The following MCC variants were observed in gnomAD, a reference collection of about 807,000 sequenced individuals.
The protein encoded by MCC is MCC regulator of Wnt signaling pathway, also known as colorectal mutant cancer protein.
MCC carries 90 observed loss-of-function variants against 116.2 expected under a neutral mutation model. The observed-to-expected ratio is 0.77, with a 90% CI of 0.65 to 0.92. The LOEUF is 0.92. Among genes scored for constraint, MCC ranks in the 40% least tolerant of loss-of-function variants. MCC has a pLI of 0.00. For synonymous variants in MCC, 578 were observed against 510.5 expected (o/e 1.13, Z -1.78); for missense variants, 1,516 against 1,312.2 (o/e 1.16, Z -2.40).
At position 113,064,125 on chromosome 5, in the gene MCC, C is replaced by A. The variant is rs149204864; in HGVS notation, c.2072G>T (p.Arg691Leu). ...AGCTGTCTTCCGGCAGTCATGAGCT[C>A]GCTTGAGCATCTGAGTGATGTTTTC... ...GDENITQMLK[R>L]AHDCRKTAEN... The change falls in exon 14 of 19, where the codon CGA becomes CTA. Residue 691 changes from arginine (R) to leucine (L), a missense_variant. Arg to Leu is a moderately radical substitution (Grantham distance 102). Coordinates refer to ENST00000408903, the MANE Select transcript of MCC (RefSeq NM_001085377.2). 509 of 1,613,726 alleles carry A rather than the reference C, an allele frequency of 3.2e-4. No individual in the cohort carries two copies. Among genetic ancestry groups the A allele is most frequent in the Non-Finnish European group, 4.2e-4 (499 of 1,179,870 alleles).
rs200797844 is a variant in MCC, at chr5:113,049,094, T to A, written c.2654A>T (p.Lys885Met). The A allele has an allele frequency of 1.3e-4, 202 of 1,614,168 alleles. 2 individuals carry two copies. Among genetic ancestry groups the A allele is most frequent in the Non-Finnish European group, 1.2e-5 (14 of 1,180,026 alleles). ...GTCCCCAAGCCACTCCGGCCCTACC[T>A]TGCCAGGTTTGTCTTTGCTGCCGCT... Reference protein sequence around the residue: ...TSSGSKDKPGKECADAASPAL... With the variant: ...TSSGSKDKPGMECADAASPAL... The change falls in exon 16 of 19, where the codon AAG becomes ATG. Residue 885 changes from lysine (K) to methionine (M), a missense_variant and splice_region_variant. Coordinates refer to ENST00000408903, the MANE Select transcript of MCC (RefSeq NM_001085377.2).
intron 3 of MCC, among the ~76,000 whole-genome samples, chr5:113,327,556 A>AT (rs1318674382): frequency 1.9e-4 from 20 of 106,170 alleles, no homozygotes; most frequent in African/African-American, 7.1e-4. Context: ...AAAAAAAAAA[A>AT]AAAAAATATA....
chr5:113,429,332 G>T (rs1197403512), intron 1 of MCC, among the ~76,000 whole-genome samples: 1 of 152,140 alleles, frequency 6.6e-6, no homozygotes, highest in African/African-American at 2.4e-5. Context: ...CAGGGAGAAG[G>T]TGGGTGTCTG....
Position 113,142,351 on chromosome 5 carries a change from C to T in MCC, c.884+867G>A, listed in dbSNP as rs149793508. 2.0e-3 allele frequency among the ~76,000 whole-genome samples: 309 copies of T among 151,980 alleles called. 7 individuals carry two copies. The highest frequency in any genetic ancestry group is 3.1e-3 in the Non-Finnish European group (212 of 67,848). On this transcript the variant is annotated intron_variant, in intron 5 of 18. Coordinates refer to ENST00000408903, the MANE Select transcript of MCC (RefSeq NM_001085377.2). The stretch of plus-strand genomic sequence containing the variant: ...TGCTGTCCTCAGGCTGTTCCCGGAG[C>T]ATCGCCAGGAACATGAAAATGCTCT...
chr5:113,479,028 G>A (rs141761120), intron 1 of MCC, among the ~76,000 whole-genome samples: 122 of 152,254 alleles, frequency 8.0e-4, no homozygotes, highest in African/African-American at 2.6e-3. Flanking sequence ...GTATGTGAAT[G>A]TTCATAATGC....
At chr5:113,331,900 AG>A (rs1481636532) in intron 3 of MCC, among the ~76,000 whole-genome samples, 1 of 151,592 alleles carries the variant, frequency 6.6e-6, no homozygotes, top group Non-Finnish European at 1.5e-5. Flanking sequence ...GGCCTCCCAA[AG>A]TGTGGGATTA....
At chr5:113,308,755 A>T (rs576319107) in intron 3 of MCC, among the ~76,000 whole-genome samples, 1 of 152,092 alleles carries the variant, frequency 6.6e-6, no homozygotes, top group Admixed American at 6.6e-5. Context: ...TTGAGCCATG[A>T]TTTTGCCATG....
At chr5:113,386,383 A>C (rs1769255375) in intron 1 of MCC, among the ~76,000 whole-genome samples, 1 of 152,148 alleles carries the variant, frequency 6.6e-6, no homozygotes, top group Non-Finnish European at 1.5e-5. Context: ...CAAATTCCCT[A>C]GGCTCACAAA....
At chr5:113,313,173 C>T (rs748469054) in intron 3 of MCC, among the ~76,000 whole-genome samples, 5 of 152,066 alleles carry the variant, frequency 3.3e-5, no homozygotes, top group East Asian at 1.9e-4. Context: ...GGTGAAACCC[C>T]GTCTCTACTA....
chr5:113,106,860 T>C (rs908109591), intron 6 of MCC, among the ~76,000 whole-genome samples: 13 of 152,336 alleles, frequency 8.5e-5, no homozygotes, highest in African/African-American at 3.1e-4. Flanking sequence ...CAACCAAATT[T>C]CTACATATTG....
chr5:113,191,655 C>A (rs983397518), intron 3 of MCC, among the ~76,000 whole-genome samples: 2 of 152,214 alleles, frequency 1.3e-5, no homozygotes, highest in Non-Finnish European at 2.9e-5. Flanking sequence ...CAGAAGGAAG[C>A]CAGGTCATGG....
At chr5:113,443,043 A>G (rs536198920) in intron 1 of MCC, among the ~76,000 whole-genome samples, 2 of 151,120 alleles carry the variant, frequency 1.3e-5, no homozygotes, top group African/African-American at 4.8e-5. Context: ...AAGAAAGTCA[A>G]TGGTAGCTTG....
intron 3 of MCC, among the ~76,000 whole-genome samples, chr5:113,252,819 T>C (rs892732863): frequency 6.6e-6 from 1 of 152,126 alleles, no homozygotes; most frequent in African/African-American, 2.4e-5. Flanking sequence ...ACTCCAAACC[T>C]AGTCCATACT....
Position 113,104,231 on chromosome 5 carries a change from C to A in MCC, c.1152G>T (p.Gln384His), listed in dbSNP as rs1319517394. Reference protein sequence around the residue: ...SVAEVDKHIEQLTTASEHCDL... With the variant: ...SVAEVDKHIEHLTTASEHCDL... ...CACAGTGCTCGCTGGCTGTGGTGAG[C>A]TGCTCAATGTGCTTGTCCACCTCGG... Residue 384 changes from glutamine to histidine, a missense_variant, in exon 7 of 19, where the codon CAG becomes CAT. Physicochemically the swap from Gln to His is conservative, Grantham distance 24. Transcript: ENST00000408903. The A allele has an allele frequency of 6.2e-7, 1 of 1,613,830 alleles. No homozygotes were observed.
intron 15 of MCC, among the ~76,000 whole-genome samples, chr5:113,052,010 A>G (rs1045329257): frequency 2.0e-5 from 3 of 152,244 alleles, no homozygotes; most frequent in African/African-American, 4.8e-5. Context: ...AATGCTAGCA[A>G]TGGCTGCCCT....
intron 1 of MCC, among the ~76,000 whole-genome samples, chr5:113,460,634 G>A (rs1771718529): frequency 6.6e-6 from 1 of 152,186 alleles, no homozygotes; most frequent in Non-Finnish European, 1.5e-5. Flanking sequence ...TGTGCTCACA[G>A]AGCATCAAAA....
At chr5:113,451,143 T>C (rs1241853991) in intron 1 of MCC, among the ~76,000 whole-genome samples, 1 of 152,222 alleles carries the variant, frequency 6.6e-6, no homozygotes, top group African/African-American at 2.4e-5. Flanking sequence ...GCTGGTGGCA[T>C]ACCGCCAACC....
At chr5:113,094,147 C>G (rs1037089949) in intron 8 of MCC, among the ~76,000 whole-genome samples, 1 of 152,146 alleles carries the variant, frequency 6.6e-6, no homozygotes, top group Admixed American at 6.5e-5. Context: ...CTCAAATAAT[C>G]AGAATCTATT....
chr5:113,312,276 G>GA (rs563209328), intron 3 of MCC, among the ~76,000 whole-genome samples: 1,742 of 145,418 alleles, frequency 0.012, 13 homozygotes, highest in African/African-American at 0.016. Context: ...AACTCTGTCT[G>GA]AAAAAAAAAA....
Sources: gnomAD v4.1 joint callset for allele counts (sites outside exome capture counted in the v4.1 genomes callset) on GRCh38, gnomAD v4.1.1 for gene constraint, MANE v1.5 for transcripts, NCBI Gene and HGNC (gene_info 2026-07-23, HGNC 2026-07-21) for gene names.